Variants in ZNF107 observed in about 807,000 individuals in gnomAD.
ZNF107 encodes the protein zinc finger protein 107, also known as C2H2 type zinc-finger protein.
ZNF107 carries 19 observed loss-of-function variants against 12.3 expected under a neutral mutation model. The observed-to-expected ratio is 1.55, with a 90% CI of 1.08 to 2.27. ZNF107 has a LOEUF of 2.27. Among genes scored for constraint, ZNF107 ranks in the 30% most tolerant of loss-of-function variants. The pLI is 0.00. For missense variants in ZNF107, 958 were observed against 979.9 expected (o/e 0.98, Z 0.30); for synonymous variants, 317 against 330.5 (o/e 0.96, Z 0.44).
intron 1 of ZNF107, among the ~76,000 whole-genome samples, chr7:64,682,324 A>G (rs1789715201): frequency 6.6e-6 from 1 of 151,960 alleles, no homozygotes; most frequent in East Asian, 1.9e-4. Flanking sequence ...CAGTCCCTTC[A>G]AAAACAGCAG....
At chr7:64,689,680 T>G (rs12670822) in intron 1 of ZNF107, 7,183 of 62,596 alleles carry the variant, frequency 0.11, 450 homozygotes, top group African/African-American at 0.29. Flanking sequence ...GAGTCTCTCC[T>G]GCCTGCCTTA....
At chr7:64,684,395 C>T (rs943645572) in intron 1 of ZNF107, among the ~76,000 whole-genome samples, 5 of 152,116 alleles carry the variant, frequency 3.3e-5, no homozygotes, top group Admixed American at 6.6e-5. Context: ...AGCTTAACCC[C>T]CTGATCTCTA....
chr7:64,709,092 A>G lies in ZNF107; in HGVS notation c.*436A>G, dbSNP rs1790800992. The G allele has an allele frequency of 2.1e-6, 1 of 465,414 alleles. No individual in the cohort carries two copies. The highest frequency in any genetic ancestry group is 1.7e-5 in the South Asian group (1 of 60,252). The allele number at this position is 465,414 out of a possible 1,614,324, so 28.8% of individuals were successfully genotyped here. A position where few individuals can be genotyped will look rare whatever the true frequency, so the allele number is the denominator to read the frequency against. On this transcript the variant is annotated 3_prime_UTR_variant, in exon 4 of 4. Transcript: ENST00000620827. ...AGCTTTTAACCAATCCTCATACCTT[A>G]CTATACAGAAATTCATACTGGAGAG...
chr7:64,683,014 C>A (rs1335341347), intron 1 of ZNF107, among the ~76,000 whole-genome samples: 1 of 152,198 alleles, frequency 6.6e-6, no homozygotes, highest in African/African-American at 2.4e-5. Context: ...GGTAGTTCTT[C>A]AAGACCCAAC....
intron 1 of ZNF107, among the ~76,000 whole-genome samples, chr7:64,685,074 CA>C (rs1232727861): frequency 6.6e-6 from 1 of 151,998 alleles, no homozygotes; most frequent in Non-Finnish European, 1.5e-5. Context: ...AGTCATTGGC[CA>C]ACTTCTCCAT....
In ZNF107 at chr7:64,706,519, C is replaced by T; in HGVS notation, c.422C>T (p.Pro141Leu). ...GTTAACCAATGTTTGACAGCTACCC[C>T]AAGCAAAATATTCCAGTGTAATAAA... ...NTVNQCLTAT[P>L]SKIFQCNKYV... The change falls in exon 4 of 4, where the codon CCA becomes CTA. Residue 141 changes from proline to leucine, a missense_variant. Physicochemically the swap from Pro to Leu is moderately conservative, Grantham distance 98. Transcript: ENST00000620827. The T allele has an allele frequency of 6.2e-7, 1 of 1,610,304 alleles. No homozygotes were observed. Among genetic ancestry groups the T allele is most frequent in the Non-Finnish European group, 8.5e-7 (1 of 1,178,022 alleles).
Position 64,666,150 on chromosome 7 carries a change from C to T in ZNF107, c.-133C>T. On this transcript the variant is annotated 5_prime_UTR_variant, in exon 1 of 4. Transcript: ENST00000620827. ...TTGGCGGGGCCTTTGTCTCTGGCTG[C>T]AGCCGGAGCTCCTGCTCTCCTCCTC... The T allele has an allele frequency of 8.0e-7, 1 of 1,256,840 alleles. No homozygotes were observed. Among genetic ancestry groups the T allele is most frequent in the South Asian group, 1.2e-5 (1 of 83,692 alleles). 77.9% of individuals were successfully genotyped at this position (1,256,840 alleles called of 1,614,324 possible). A position where few individuals can be genotyped will look rare whatever the true frequency, so the allele number is the denominator to read the frequency against.
intron 1 of ZNF107, among the ~76,000 whole-genome samples, chr7:64,675,997 A>G (rs1789402279): frequency 1.3e-5 from 2 of 152,188 alleles, no homozygotes; most frequent in South Asian, 4.2e-4. Flanking sequence ...GATTACAGGC[A>G]TGCACCACCA....
chr7:64,701,727 T>C (rs1032525829), intron 3 of ZNF107, among the ~76,000 whole-genome samples: 6 of 152,186 alleles, frequency 3.9e-5, no homozygotes, highest in African/African-American at 1.4e-4. Context: ...TCAGATAATC[T>C]TCTTATTTCA....
intron 1 of ZNF107, among the ~76,000 whole-genome samples, chr7:64,688,973 T>G (rs1026525949): frequency 6.6e-6 from 1 of 151,940 alleles, no homozygotes; most frequent in African/African-American, 2.4e-5. Flanking sequence ...TTTCCCTCTC[T>G]TTTTGCCTTT....
In ZNF107 at chr7:64,707,216, ATG is replaced by A; in HGVS notation, c.1122_1123del (p.Cys374Ter). On this transcript the variant is annotated frameshift_variant, in exon 4 of 4. Coordinates refer to ENST00000620827, the MANE Select transcript of ZNF107 (RefSeq NM_001282359.2). LOFTEE classifies it low-confidence loss of function (END_TRUNC). The part of the protein sequence containing the change: ...TGGKLNKCEE[C>X]DKAFNRSLKL... The stretch of plus-strand genomic sequence containing the variant: ...GAGGGAAACTCAACAAATGTGAAGA[ATG>A]TGACAAAGCTTTTAACCGATCCTTA... The A allele has an allele frequency of 6.2e-7, 1 of 1,613,726 alleles. No homozygotes were observed.
chr7:64,691,237 G>C lies in ZNF107; in HGVS notation c.4-11G>C. 1 of 1,471,654 alleles carries C rather than the reference G, an allele frequency of 6.8e-7. No individual in the cohort carries two copies. The highest frequency in any genetic ancestry group is 9.0e-7 in the Non-Finnish European group (1 of 1,110,020). 91.2% of individuals were successfully genotyped at this position (1,471,654 alleles called of 1,614,324 possible). ...CTGCTTGGTAAATGTGTGTGTGTTT[G>C]TGTTTTTCAGGAACCACTGACATTT... On this transcript the variant is annotated splice_polypyrimidine_tract_variant and intron_variant, in intron 1 of 3. Transcript: ENST00000620827.
chr7:64,683,973 C>T (rs1789795432), intron 1 of ZNF107, among the ~76,000 whole-genome samples: 1 of 152,214 alleles, frequency 6.6e-6, no homozygotes, highest in Non-Finnish European at 1.5e-5. Context: ...GGCCTCCCTA[C>T]TTCCATCCAA....
intron 1 of ZNF107, 131 bp downstream of exon 1, chr7:64,666,416 A>G: frequency 7.8e-7 from 1 of 1,274,666 alleles, no homozygotes; most frequent in Admixed American, 2.1e-5. Flanking sequence ...CTCGGCCCTC[A>G]GTCCCCCGCG....
rs145537935 is a variant in ZNF107, at chr7:64,706,842, A to G, written c.745A>G (p.Ile249Val). Residue 249 changes from isoleucine (I) to valine (V), a missense_variant, in exon 4 of 4, where the codon ATA becomes GTA. Ile to Val is a conservative substitution (Grantham distance 29). Coordinates refer to ENST00000620827, the MANE Select transcript of ZNF107 (RefSeq NM_001282359.2). The stretch of plus-strand genomic sequence containing the variant: ...GTCCTCACAACTTACTAGGCATAAG[A>G]TAATTCATACTGAAGAGAAACCCAA... ...NQSSQLTRHKIIHTEEKPNKC... is the reference protein window; with the variant it reads ...NQSSQLTRHKVIHTEEKPNKC... 2.9e-4 allele frequency: 468 copies of G among 1,613,718 alleles called. 3 individuals carry two copies. The African/African-American group carries it at 5.8e-3, about 20-fold the overall frequency.
chr7:64,695,765 CTG>C (rs1419000782), intron 3 of ZNF107, among the ~76,000 whole-genome samples: 1 of 152,110 alleles, frequency 6.6e-6, no homozygotes, highest in Non-Finnish European at 1.5e-5. Flanking sequence ...CATCTTTTCA[CTG>C]TGTGTTTAAC....
At position 64,709,471 on chromosome 7, in the gene ZNF107, G is replaced by C. The variant is rs1431696043; in HGVS notation, c.*815G>C. ...AAAACTTTACAAACCTGAATGATGT[G>C]ACAATAATTTTGACAACACCTCGAA... On this transcript the variant is annotated 3_prime_UTR_variant, in exon 4 of 4. Coordinates refer to ENST00000620827, the MANE Select transcript of ZNF107 (RefSeq NM_001282359.2). 1 of 344,416 alleles carries C rather than the reference G, an allele frequency of 2.9e-6. No individual in the cohort carries two copies. Among genetic ancestry groups the C allele is most frequent in the East Asian group, 8.3e-5 (1 of 11,992 alleles). The allele number at this position is 344,416 out of a possible 1,614,324, so 21.3% of individuals were successfully genotyped here. A position where few individuals can be genotyped will look rare whatever the true frequency, so the allele number is the denominator to read the frequency against.
At position 64,710,156 on chromosome 7, in the gene ZNF107, A is replaced by G. The variant is rs1790838085; in HGVS notation, c.*1500A>G. On this transcript the variant is annotated 3_prime_UTR_variant, in exon 4 of 4. Transcript: ENST00000620827. ...AAAACAAAACAAAAAAAGAGTATTC[A>G]TTGTGAGGACAAACAATACAAATAC... The G allele has an allele frequency of 6.2e-6, 1 of 160,820 alleles. No homozygotes were observed. The highest frequency in any genetic ancestry group is 2.4e-5 in the African/African-American group (1 of 41,500). The allele number at this position is 160,820 out of a possible 1,614,324, so 10.0% of individuals were successfully genotyped here. A position where few individuals can be genotyped will look rare whatever the true frequency, so the allele number is the denominator to read the frequency against.
At chr7:64,678,070 C>T (rs1017871030) in intron 1 of ZNF107, among the ~76,000 whole-genome samples, 3 of 152,086 alleles carry the variant, frequency 2.0e-5, no homozygotes, top group Non-Finnish European at 1.5e-5. Flanking sequence ...ATTATATTAA[C>T]AGCTAAATAA....
Sources: gnomAD v4.1 joint callset for allele counts (sites outside exome capture counted in the v4.1 genomes callset) on GRCh38, gnomAD v4.1.1 for gene constraint, MANE v1.5 for transcripts, NCBI Gene and HGNC (gene_info 2026-07-23, HGNC 2026-07-21) for gene names.